The following LRRTM3 variants were observed in gnomAD, a reference collection of about 807,000 sequenced individuals.
LRRTM3 encodes the protein leucine rich repeat transmembrane neuronal 3, also known as leucine-rich repeat transmembrane neuronal protein 3.
In LRRTM3, 24 loss-of-function variants were observed where a neutral mutation model predicts 44.7. That is an observed-to-expected ratio of 0.54 (90% CI 0.39 to 0.76). LRRTM3 has a LOEUF of 0.76. LRRTM3 is among the 30% of genes least tolerant of loss of function. The pLI, the probability that LRRTM3 is intolerant of heterozygous loss-of-function variation, is 0.00. For synonymous variants in LRRTM3, 277 were observed against 278.7 expected (o/e 0.99, Z 0.06); for missense variants, 587 against 702.2 (o/e 0.84, Z 1.85).
chr10:67,084,331 T>C (rs1180613806), intron 2 of LRRTM3, among the ~76,000 whole-genome samples: 1 of 152,084 alleles, frequency 6.6e-6, no homozygotes, highest in Non-Finnish European at 1.5e-5. Context: ...CCAAAGATGC[T>C]CCTGTTGGGC....
chr10:66,945,740 A>G (rs777159319), intron 2 of LRRTM3, among the ~76,000 whole-genome samples: 3 of 152,194 alleles, frequency 2.0e-5, no homozygotes, highest in Non-Finnish European at 2.9e-5. Flanking sequence ...CAAGTGAGAT[A>G]AATGTGACTC....
chr10:66,981,302 A>C (rs1339914487), intron 2 of LRRTM3, among the ~76,000 whole-genome samples: 1 of 152,124 alleles, frequency 6.6e-6, no homozygotes, highest in Non-Finnish European at 1.5e-5. Context: ...TTTTCTTTAC[A>C]CCTTCATCTA....
Position 67,100,683 on chromosome 10 carries a change from C to T in LRRTM3, c.*2887C>T, listed in dbSNP as rs1858287374. Among the ~76,000 whole-genome samples the T allele has an allele frequency of 6.6e-6, 1 of 151,656 alleles. No individual in the cohort carries two copies. ...GTTTCACCCAGCATGGTTACAATAA[C>T]AGCCAGCAGCTGCAGCAAACCATAA... is the stretch of plus-strand genomic sequence containing the variant. On this transcript the variant is annotated 3_prime_UTR_variant, in exon 3 of 3. Transcript: ENST00000361320.
At chr10:66,942,187 A>G (rs541175334) in intron 2 of LRRTM3, among the ~76,000 whole-genome samples, 3 of 152,250 alleles carry the variant, frequency 2.0e-5, no homozygotes, top group South Asian at 4.1e-4. Context: ...TTTGCTAGAT[A>G]TTTTCACAAT....
chr10:67,000,341 T>C (rs760006565), intron 2 of LRRTM3, among the ~76,000 whole-genome samples: 21 of 152,164 alleles, frequency 1.4e-4, no homozygotes, highest in Non-Finnish European at 2.4e-4. Context: ...GCTGACCCAA[T>C]AGACAAGACA....
At chr10:67,092,853 T>C (rs1256751863) in intron 2 of LRRTM3, among the ~76,000 whole-genome samples, 1 of 152,038 alleles carries the variant, frequency 6.6e-6, no homozygotes, top group East Asian at 1.9e-4. Flanking sequence ...AAGACACTAC[T>C]AGTGTAGCAG....
intron 2 of LRRTM3, among the ~76,000 whole-genome samples, chr10:66,993,906 C>T (rs950427197): frequency 3.9e-5 from 6 of 152,076 alleles, no homozygotes; most frequent in Non-Finnish European, 8.8e-5. Flanking sequence ...TCTTGTTTCT[C>T]CCAACATTTA....
intron 2 of LRRTM3, among the ~76,000 whole-genome samples, chr10:66,974,281 G>A (rs114814575): frequency 4.6e-4 from 70 of 152,310 alleles, no homozygotes; most frequent in African/African-American, 1.6e-3. Flanking sequence ...TGGAGAATAA[G>A]TTATTCCTTA....
intron 2 of LRRTM3, among the ~76,000 whole-genome samples, chr10:67,008,884 A>G (rs542515407): frequency 6.6e-6 from 1 of 152,180 alleles, no homozygotes; most frequent in African/African-American, 2.4e-5. Flanking sequence ...ATGAGGGTTT[A>G]TACTATCTTG....
At chr10:66,974,082 T>C (rs1388147087) in intron 2 of LRRTM3, among the ~76,000 whole-genome samples, 1 of 152,160 alleles carries the variant, frequency 6.6e-6, no homozygotes, top group African/African-American at 2.4e-5. Flanking sequence ...GCCCTGAGTC[T>C]CTCTGTAGTC....
chr10:66,986,767 T>G (rs1347063709), intron 2 of LRRTM3, among the ~76,000 whole-genome samples: 1 of 152,162 alleles, frequency 6.6e-6, no homozygotes, highest in Non-Finnish European at 1.5e-5. Context: ...CTATCTGCAG[T>G]TAACATGGCA....
intron 2 of LRRTM3, among the ~76,000 whole-genome samples, chr10:67,074,852 T>C (rs1174553895): frequency 1.3e-5 from 2 of 152,190 alleles, no homozygotes; most frequent in African/African-American, 4.8e-5. Context: ...TTATAATTCA[T>C]TTATGTATGA....
chr10:66,982,941 G>A (rs1850526798), intron 2 of LRRTM3, among the ~76,000 whole-genome samples: 1 of 152,136 alleles, frequency 6.6e-6, no homozygotes, highest in African/African-American at 2.4e-5. Flanking sequence ...CAGACTGTCT[G>A]CAGAGGGCTT....
At chr10:67,023,759 A>G (rs1853177349) in intron 2 of LRRTM3, among the ~76,000 whole-genome samples, 1 of 152,236 alleles carries the variant, frequency 6.6e-6, no homozygotes, top group Non-Finnish European at 1.5e-5. Context: ...AATTGCTGAA[A>G]CATGAATTGG....
chr10:66,976,075 G>A (rs1032568688), intron 2 of LRRTM3, among the ~76,000 whole-genome samples: 1 of 151,794 alleles, frequency 6.6e-6, no homozygotes, highest in African/African-American at 2.4e-5. Flanking sequence ...AAATTTTGTT[G>A]AATACTTACT....
chr10:67,060,165 A>G (rs939518091), intron 2 of LRRTM3, among the ~76,000 whole-genome samples: 11 of 152,190 alleles, frequency 7.2e-5, no homozygotes, highest in African/African-American at 2.4e-4. Flanking sequence ...AAAAATACAT[A>G]AAATTAGCTG....
chr10:67,008,466 G>A (rs1451215406), intron 2 of LRRTM3, among the ~76,000 whole-genome samples: 1 of 151,720 alleles, frequency 6.6e-6, no homozygotes, highest in Non-Finnish European at 1.5e-5. Context: ...TTTTTTGTTT[G>A]TTTTGTTTTG....
At chr10:67,065,007 C>G (rs1267162067) in intron 2 of LRRTM3, among the ~76,000 whole-genome samples, 2 of 152,162 alleles carry the variant, frequency 1.3e-5, no homozygotes, top group African/African-American at 4.8e-5. Context: ...TCCACAGCTT[C>G]CATATACCAC....
intron 2 of LRRTM3, among the ~76,000 whole-genome samples, chr10:67,060,049 C>T (rs1589678033): frequency 6.6e-6 from 1 of 152,122 alleles, no homozygotes; most frequent in Non-Finnish European, 1.5e-5. Context: ...GACACAATGA[C>T]TCACACCTGT....
Sources: allele counts gnomAD v4.1 joint callset (sites outside exome capture counted in the v4.1 genomes callset), GRCh38; gene constraint gnomAD v4.1.1; transcripts MANE v1.5; gene names NCBI Gene and HGNC (gene_info 2026-07-23, HGNC 2026-07-21).